The following ATAD2B variants were observed in gnomAD, a reference collection of about 807,000 sequenced individuals.
ATAD2B encodes ATPase family AAA domain-containing protein 2B.
ATAD2B carries 40 observed loss-of-function variants against 167.6 expected under a neutral mutation model. The observed-to-expected ratio is 0.24, with a 90% confidence interval of 0.19 to 0.31. ATAD2B has a LOEUF of 0.31. ATAD2B is among the 10% of genes least tolerant of loss of function. ATAD2B has a pLI of 1.00. For missense variants in ATAD2B, 1,242 were observed against 1,757.2 expected (o/e 0.71, Z 5.24); for synonymous variants, 579 against 596.5 (o/e 0.97, Z 0.43).
the ATAD2B span, among the ~76,000 whole-genome samples, chr2:23,721,359 A>C: frequency 6.6e-6 from 1 of 151,814 alleles, no homozygotes; most frequent in Non-Finnish European, 1.5e-5. Context: ...CTGATCAGCT[A>C]TGTGCCCATA....
At chr2:23,892,239 T>C (rs539502529) in intron 2 of ATAD2B, among the ~76,000 whole-genome samples, 26 of 152,078 alleles carry the variant, frequency 1.7e-4, no homozygotes, top group African/African-American at 5.1e-4. Context: ...TCTTGGCTCA[T>C]TGCAAGCCCC....
intron 1 of ATAD2B, among the ~76,000 whole-genome samples, chr2:23,919,760 T>C (rs910266043): frequency 2.0e-5 from 3 of 151,480 alleles, no homozygotes; most frequent in Admixed American, 2.0e-4. Context: ...GGAGAATCAC[T>C]TGAACCCAGG....
At chr2:23,873,987 G>A (rs975138346) in intron 8 of ATAD2B, among the ~76,000 whole-genome samples, 1 of 151,994 alleles carries the variant, frequency 6.6e-6, no homozygotes, top group African/African-American at 2.4e-5. Flanking sequence ...AGAAGTTCGA[G>A]ACCAGCCTGA....
chr2:23,875,151 A>G (rs1296522140), intron 8 of ATAD2B, among the ~76,000 whole-genome samples: 1 of 152,084 alleles, frequency 6.6e-6, no homozygotes, highest in Non-Finnish European at 1.5e-5. Context: ...TTTAGATTCA[A>G]CTCTGCTAAG....
rs191894316 is a variant in ATAD2B at position 23,849,035 on chromosome 2, C to T, written c.1568+8380G>A. Among the ~76,000 whole-genome samples the T allele has an allele frequency of 3.3e-3, 504 of 151,872 alleles. 3 individuals carry two copies. Among genetic ancestry groups the T allele is most frequent in the African/African-American group, 0.012 (487 of 41,446 alleles). On this transcript the variant is annotated intron_variant, in intron 13 of 27. Transcript: ENST00000238789. ...CTCTAAAAAAAAACTTTCAAAGTTT[C>T]AAAGTGTTTTTTAAAAAGGCAAAAA...
intron 12 of ATAD2B, among the ~76,000 whole-genome samples, chr2:23,860,805 T>C (rs1321589766): frequency 2.6e-5 from 4 of 152,056 alleles, no homozygotes; most frequent in Admixed American, 2.6e-4. Context: ...ACCCTGTCTG[T>C]ACTAAAAATA....
chr2:23,759,579 T>G (rs921515188), intron 24 of ATAD2B, among the ~76,000 whole-genome samples: 1 of 152,192 alleles, frequency 6.6e-6, no homozygotes, highest in African/African-American at 2.4e-5. Context: ...CTTTCTTACC[T>G]AAGAATATAT....
intron 5 of ATAD2B, among the ~76,000 whole-genome samples, 199 bp downstream of exon 5, chr2:23,885,528 G>A (rs1406893762): frequency 6.6e-6 from 1 of 152,178 alleles, no homozygotes; most frequent in Non-Finnish European, 1.5e-5. Context: ...AAAGTGAAGA[G>A]GGTCTTCTTG....
intron 1 of ATAD2B, among the ~76,000 whole-genome samples, chr2:23,910,130 C>G (rs1014290775): frequency 6.7e-6 from 1 of 149,916 alleles, no homozygotes; most frequent in African/African-American, 2.5e-5. Flanking sequence ...TCCCAAAATG[C>G]TGGGAATACA....
At chr2:23,781,075 C>T (rs751807054) in intron 22 of ATAD2B, among the ~76,000 whole-genome samples, 14 of 152,008 alleles carry the variant, frequency 9.2e-5, no homozygotes, top group Non-Finnish European at 1.5e-4. Context: ...AGGAGTTGGC[C>T]TGGCACTGTC....
chr2:23,707,715 T>C, the ATAD2B span: 1 of 152,202 alleles, frequency 6.6e-6, no homozygotes, highest in Non-Finnish European at 1.5e-5. Context: ...GAGGGAGAAT[T>C]AGCGTCTATA....
the ATAD2B span, among the ~76,000 whole-genome samples, chr2:23,698,896 T>TGAAA: frequency 7.2e-5 from 11 of 152,342 alleles, no homozygotes; most frequent in East Asian, 1.9e-4. Context: ...GCCATCATAC[T>TGAAA]GAAAGACTGA....
intron 24 of ATAD2B, among the ~76,000 whole-genome samples, chr2:23,760,313 A>G (rs987070671): frequency 1.3e-5 from 2 of 152,216 alleles, no homozygotes; most frequent in African/African-American, 2.4e-5. Context: ...GTATCTTCAC[A>G]GTACCTGGCA....
the ATAD2B span, among the ~76,000 whole-genome samples, chr2:23,713,534 C>A: frequency 6.6e-6 from 1 of 152,046 alleles, no homozygotes; most frequent in Non-Finnish European, 1.5e-5. Flanking sequence ...CTTTCATCAC[C>A]CCAGAAACAA....
At chr2:23,845,754 A>T (rs1691683353) in intron 13 of ATAD2B, among the ~76,000 whole-genome samples, 1 of 151,240 alleles carries the variant, frequency 6.6e-6, no homozygotes, top group African/African-American at 2.4e-5. Flanking sequence ...TAATTTTTGT[A>T]GTTTTTGTAG....
intron 13 of ATAD2B, among the ~76,000 whole-genome samples, chr2:23,851,061 C>T (rs1692484783): frequency 6.6e-6 from 1 of 152,204 alleles, no homozygotes; most frequent in South Asian, 2.1e-4. Flanking sequence ...GACACTAAAT[C>T]TGCTGGCACC....
chr2:23,864,475 A>G (rs984649086), intron 11 of ATAD2B, among the ~76,000 whole-genome samples: 16 of 152,150 alleles, frequency 1.1e-4, no homozygotes, highest in Non-Finnish European at 1.6e-4. Flanking sequence ...CATCAATAAA[A>G]CTGTGCTTCC....
At chr2:23,926,114 A>C (rs774112440) in intron 1 of ATAD2B, among the ~76,000 whole-genome samples, 4 of 152,198 alleles carry the variant, frequency 2.6e-5, no homozygotes, top group Non-Finnish European at 5.9e-5. Context: ...CCAAACTGAG[A>C]GTAAGCTGGA....
the ATAD2B span, chr2:23,693,144 T>C: frequency 4.4e-6 from 5 of 1,124,796 alleles, no homozygotes; most frequent in Non-Finnish European, 6.0e-6. Context: ...GCAGGGACTC[T>C]GGACACTGCA....
Sources: gnomAD v4.1 joint callset for allele counts (sites outside exome capture counted in the v4.1 genomes callset) on GRCh38, gnomAD v4.1.1 for gene constraint, MANE v1.5 for transcripts, NCBI Gene and HGNC (gene_info 2026-07-23, HGNC 2026-07-21) for gene names.